The following PNN variants were observed in gnomAD, a reference collection of about 807,000 sequenced individuals.
PNN encodes pinin.
PNN carries 38 observed loss-of-function variants against 76.6 expected under a neutral mutation model. The observed-to-expected ratio is 0.50, with a 90% CI of 0.38 to 0.65. The LOEUF (loss-of-function observed/expected upper bound fraction) is 0.65. PNN is among the 30% of genes least tolerant of loss of function. The pLI is 0.00. For missense variants in PNN, 873 were observed against 874.1 expected (o/e 1.00, Z 0.02); for synonymous variants, 366 against 283.7 (o/e 1.29, Z -2.91).
intron 8 of PNN, among the ~76,000 whole-genome samples, 190 bp downstream of exon 8, chr14:39,179,652 G>C (rs960717856): frequency 1.1e-4 from 16 of 152,016 alleles, no homozygotes; most frequent in African/African-American, 3.6e-4. Context: ...CCAGCACTTT[G>C]GGAGGCTGAG....
chr14:39,178,360 T>C (rs550838804), intron 6 of PNN, among the ~76,000 whole-genome samples: 177 of 152,036 alleles, frequency 1.2e-3, no homozygotes, highest in Non-Finnish European at 2.1e-3. Context: ...GGTGAAACCC[T>C]GTCTTTACTA....
intron 8 of PNN, 128 bp downstream of exon 8, chr14:39,179,590 AATAAGATAATAAG>A: frequency 2.5e-6 from 2 of 788,692 alleles, no homozygotes; most frequent in East Asian, 5.5e-5. Context: ...TTTTTTTTTA[AATAAGATAATAAG>A]ATATTCTAGG....
chr14:39,179,233 A>G lies in PNN; in HGVS notation c.641A>G (p.Glu214Gly). 2 of 1,612,272 alleles carry G rather than the reference A, an allele frequency of 1.2e-6. No homozygotes were observed. The highest frequency in any genetic ancestry group is 1.7e-6 in the Non-Finnish European group (2 of 1,179,584). The change falls in exon 7 of 9, where the codon GAG (glutamate) becomes GGG (glycine). Residue 214 changes from glutamate (E) to glycine (G), a missense_variant. Physicochemically the swap from Glu to Gly is moderately conservative, Grantham distance 98 (BLOSUM62 -2). Around this residue, in one of 3 missense-constraint regions of PNN, gnomAD observed 712 missense variants for 693.1 expected, o/e 1.03. Transcript: ENST00000216832. ...TELRLLEQKV[E>G]LAQLQEEWNE... ...CTGCGGCTTTTGGAACAGAAAGTTGAGCTTGCGCAGCTGGTGAGTGGTAAT... is the reference window on the plus strand; with the variant it reads ...CTGCGGCTTTTGGAACAGAAAGTTGGGCTTGCGCAGCTGGTGAGTGGTAAT...
At chr14:39,177,369 T>G in intron 3 of PNN, 43 bp from the exon 4 acceptor site, 1 of 1,529,784 alleles carries the variant, frequency 6.5e-7, no homozygotes, top group Non-Finnish European at 9.0e-7. Flanking sequence ...CTGGGTGGTA[T>G]AGTGAAACCC....
chr14:39,181,187 T>C lies in PNN; in HGVS notation c.1478T>C (p.Val493Ala), dbSNP rs2053266974. 1 of 1,609,280 alleles carries C rather than the reference T, an allele frequency of 6.2e-7. No homozygotes were observed. The highest frequency in any genetic ancestry group is 8.5e-7 in the Non-Finnish European group (1 of 1,175,718). Residue 493 changes from valine (V) to alanine (A), a missense_variant, in exon 9 of 9, where the codon GTA becomes GCA. Val to Ala is a moderately conservative substitution (Grantham distance 64, BLOSUM62 0). Around this residue, in one of 3 missense-constraint regions of PNN, gnomAD observed 712 missense variants for 693.1 expected, o/e 1.03. Coordinates refer to ENST00000216832, the MANE Select transcript of PNN (RefSeq NM_002687.4). ...QLQLQSQSQPVLQSQPPSQPE... is the reference protein window; with the variant it reads ...QLQLQSQSQPALQSQPPSQPE... Reference sequence around the variant, plus strand: ...CAGCTTCAATCCCAGTCCCAACCAGTACTCCAGTCCCAGCCTCCCTCTCAG... The same window carrying C: ...CAGCTTCAATCCCAGTCCCAACCAGCACTCCAGTCCCAGCCTCCCTCTCAG...
In PNN at chr14:39,182,532, CA is replaced by C. The variant is rs2053277674; in HGVS notation, c.*670del. On this transcript the variant is annotated 3_prime_UTR_variant, in exon 9 of 9. Coordinates refer to ENST00000216832, the MANE Select transcript of PNN (RefSeq NM_002687.4). ...ACCATATGTTCGGTAGATAACTAAA[CA>C]GTATGATCTGGTTGGCATTTTCTTC... 1 of 152,580 alleles carries C rather than the reference CA, an allele frequency of 6.6e-6. No homozygotes were observed. Among genetic ancestry groups the C allele is most frequent in the Admixed American group, 6.5e-5 (1 of 15,272 alleles). The allele number at this position is 152,580 out of a possible 1,614,324, so 9.5% of individuals were successfully genotyped here.
At chr14:39,177,794 A>G (rs1322996256) in intron 5 of PNN, 47 bp from the exon 6 acceptor site, 1 of 1,497,532 alleles carries the variant, frequency 6.7e-7, no homozygotes, top group East Asian at 2.3e-5. Context: ...ATGGGTTTAA[A>G]TGAAATGGAT....
rs958226845 is a variant in PNN at position 39,181,221 on chromosome 14, T to C, written c.1512T>C (p.Asp504=). 4 of 1,613,868 alleles carry C rather than the reference T, an allele frequency of 2.5e-6. No homozygotes were observed. The highest frequency in any genetic ancestry group is 3.4e-6 in the Non-Finnish European group (4 of 1,179,894). ...LQSQPPSQPE[D]LSLAVLQPTP... The stretch of plus-strand genomic sequence containing the variant: ...CCCAGCCTCCCTCTCAGCCTGAGGA[T>C]TTGTCATTAGCTGTTTTACAGCCAA... The change falls in exon 9 of 9, where the codon GAT becomes GAC. Residue 504 remains aspartate (D), a synonymous_variant. Coordinates refer to ENST00000216832, the MANE Select transcript of PNN (RefSeq NM_002687.4).
At position 39,176,059 on chromosome 14, in the gene PNN, A is replaced by T; in HGVS notation, c.114-19A>T. 1 of 1,494,986 alleles carries T rather than the reference A, an allele frequency of 6.7e-7. No individual in the cohort carries two copies. The highest frequency in any genetic ancestry group is 1.1e-5 in the South Asian group (1 of 88,240). The allele number at this position is 1,494,986 out of a possible 1,614,324, so 92.6% of individuals were successfully genotyped here. On this transcript the variant is annotated intron_variant, in intron 1 of 8. Coordinates refer to ENST00000216832, the MANE Select transcript of PNN (RefSeq NM_002687.4). Reference sequence around the variant, plus strand: ...TGTGTCTACATATGATTTTGCACTGATTTGTAAATCTTTTACAGGCCCATC... The same window carrying T: ...TGTGTCTACATATGATTTTGCACTGTTTTGTAAATCTTTTACAGGCCCATC...
At position 39,181,158 on chromosome 14, in the gene PNN, G is replaced by C. The variant is rs573590517; in HGVS notation, c.1449G>C (p.Gln483His). ...AACCTCAGCCTCAGTCTCAGCCCCAGCTTCAGCTTCAATCCCAGTCCCAAC... is the reference window on the plus strand; with the variant it reads ...AACCTCAGCCTCAGTCTCAGCCCCACCTTCAGCTTCAATCCCAGTCCCAAC... ...VAQPQPQSQP[Q>H]LQLQSQSQPV... Residue 483 changes from glutamine (Q) to histidine (H), a missense_variant, in exon 9 of 9, where the codon CAG (glutamine) becomes CAC (histidine). Around this residue, in one of 3 missense-constraint regions of PNN, gnomAD observed 712 missense variants for 693.1 expected, o/e 1.03. Transcript: ENST00000216832. 6.2e-7 allele frequency: 1 copy of C among 1,606,742 alleles called. No individual in the cohort carries two copies. The highest frequency in any genetic ancestry group is 1.3e-5 in the African/African-American group (1 of 74,880).
In PNN at chr14:39,176,417, GCTA is replaced by G. The variant is rs2053224517; in HGVS notation, c.186-107_186-105del. The stretch of plus-strand genomic sequence containing the variant: ...ATTTTGGAATGAATGCCCGTTTAAG[GCTA>G]CTTTAGTTGGAAAGATTTTTGAAAG... On this transcript the variant is annotated intron_variant, in intron 2 of 8. Coordinates refer to ENST00000216832, the MANE Select transcript of PNN (RefSeq NM_002687.4). 1.2e-5 allele frequency: 10 copies of G among 814,850 alleles called. No homozygotes were observed. The South Asian group carries it at 1.7e-4, about 14-fold the overall frequency. The allele number at this position is 814,850 out of a possible 1,614,324, so 50.5% of individuals were successfully genotyped here.
Position 39,182,603 on chromosome 14 carries a change from T to C in PNN, c.*740T>C, listed in dbSNP as rs897417457. 6.6e-5 allele frequency: 10 copies of C among 152,504 alleles called. No homozygotes were observed. Among genetic ancestry groups the C allele is most frequent in the African/African-American group, 2.4e-4 (10 of 41,458 alleles). The allele number at this position is 152,504 out of a possible 1,614,324, so 9.4% of individuals were successfully genotyped here. A position where few individuals can be genotyped will look rare whatever the true frequency, so the allele number is the denominator to read the frequency against. Reference sequence around the variant, plus strand: ...TCTTTTGTCTTCATGGTTACTTGTGTGATATAACATACATCTGTTAAAGAA... The same window carrying C: ...TCTTTTGTCTTCATGGTTACTTGTGCGATATAACATACATCTGTTAAAGAA... On this transcript the variant is annotated 3_prime_UTR_variant, in exon 9 of 9. Coordinates refer to ENST00000216832, the MANE Select transcript of PNN (RefSeq NM_002687.4).
chr14:39,176,164 G>C lies in PNN; in HGVS notation c.185+15G>C. 1 of 1,469,582 alleles carries C rather than the reference G, an allele frequency of 6.8e-7. No homozygotes were observed. Among genetic ancestry groups the C allele is most frequent in the Non-Finnish European group, 9.5e-7 (1 of 1,048,994 alleles). 91.0% of individuals were successfully genotyped at this position (1,469,582 alleles called of 1,614,324 possible). A position where few individuals can be genotyped will look rare whatever the true frequency, so the allele number is the denominator to read the frequency against. On this transcript the variant is annotated intron_variant, in intron 2 of 8. Coordinates refer to ENST00000216832, the MANE Select transcript of PNN (RefSeq NM_002687.4). ...TTATTACTGAGGTAAGATTTCCTTTGGACTTTACTCATGCTGAAACTACTG... is the reference window on the plus strand; with the variant it reads ...TTATTACTGAGGTAAGATTTCCTTTCGACTTTACTCATGCTGAAACTACTG...
intron 3 of PNN, 125 bp downstream of exon 3, chr14:39,176,720 C>T (rs1196595291): frequency 1.5e-6 from 1 of 660,948 alleles, no homozygotes; most frequent in Non-Finnish European, 2.6e-6. Context: ...ACTCCCTGCC[C>T]CCCCCAAGTT....
Position 39,181,057 on chromosome 14 carries a change from A to G in PNN, c.1348A>G (p.Ser450Gly), listed in dbSNP as rs145827544. ...KTLSPGKENV[S>G]ALDMEKESEE... ...CCTTTCTCCTGGGAAAGAGAATGTC[A>G]GTGCTTTAGACATGGAAAAGGAGTC... The change falls in exon 9 of 9, where the codon AGT becomes GGT. Residue 450 changes from serine (S) to glycine (G), a missense_variant. Around this residue, in one of 3 missense-constraint regions of PNN, gnomAD observed 712 missense variants for 693.1 expected, o/e 1.03. Transcript: ENST00000216832. 4.1e-4 allele frequency: 659 copies of G among 1,613,388 alleles called. No homozygotes were observed. The highest frequency in any genetic ancestry group is 1.1e-3 in the Admixed American group (66 of 59,868).
Position 39,182,727 on chromosome 14 carries a change from C to T in PNN, c.*864C>T, listed in dbSNP as rs2053278933. The T allele has an allele frequency of 6.6e-6, 1 of 152,610 alleles. No individual in the cohort carries two copies. The highest frequency in any genetic ancestry group is 1.5e-5 in the Non-Finnish European group (1 of 68,034). 9.5% of individuals were successfully genotyped at this position (152,610 alleles called of 1,614,324 possible). A position where few individuals can be genotyped will look rare whatever the true frequency, so the allele number is the denominator to read the frequency against. On this transcript the variant is annotated 3_prime_UTR_variant, in exon 9 of 9. Coordinates refer to ENST00000216832, the MANE Select transcript of PNN (RefSeq NM_002687.4). ...AACTTTGTGTTGGCTCTAACTTAAA[C>T]ATGCTGATATGTGTTTTCAAGAATT...
At chr14:39,176,360 A>G (rs2053223982) in intron 2 of PNN, 167 bp from the exon 3 acceptor site, 1 of 643,326 alleles carries the variant, frequency 1.6e-6, no homozygotes, top group Admixed American at 3.2e-5. Context: ...TTTTGAGTGA[A>G]CTTAATTCTT....
chr14:39,175,905 A>T, intron 1 of PNN, 173 bp from the exon 2 acceptor site: 1 of 579,592 alleles, frequency 1.7e-6, no homozygotes, highest in Non-Finnish European at 3.1e-6. Flanking sequence ...AGAAACGAGG[A>T]AGTTAAATGA....
Position 39,181,622 on chromosome 14 carries a change from G to T in PNN, c.1913G>T (p.Arg638Leu). Residue 638 changes from arginine (R) to leucine (L), a missense_variant, in exon 9 of 9, where the codon CGG becomes CTG. Arg to Leu is a moderately radical substitution (Grantham distance 102, BLOSUM62 -2). This residue lies in a region of PNN where 712 missense variants were observed against 693.1 expected (regional missense o/e 1.03). Transcript: ENST00000216832. ...SSESRSRSRG[R>L]GHNRDRKHRR... ...GAGAGTAGAAGTCGGAGTAGGGGCC[G>T]GGGACATAATAGAGATAGAAAGCAC... 1 of 1,614,036 alleles carries T rather than the reference G, an allele frequency of 6.2e-7. No individual in the cohort carries two copies.
Sources: allele counts gnomAD v4.1 joint callset (sites outside exome capture counted in the v4.1 genomes callset), GRCh38; gene constraint gnomAD v4.1.1; regional missense constraint gnomAD v4.1.1; transcripts MANE v1.5; gene names NCBI Gene and HGNC (gene_info 2026-07-23, HGNC 2026-07-21).